SYT14: variants seen among roughly 807,000 people sequenced by gnomAD.
SYT14 encodes the protein synaptotagmin 14, also known as synaptotagmin-14.
In SYT14, 32 loss-of-function variants were observed where a neutral mutation model predicts 74.2. The ratio of observed to expected loss-of-function variants is 0.43; its 90% CI spans 0.33 to 0.58. The LOEUF (loss-of-function observed/expected upper bound fraction) is 0.58, where lower values mean the gene tolerates loss of function less well. SYT14 is among the 20% of genes least tolerant of loss of function. The pLI, the probability that SYT14 is intolerant of heterozygous loss-of-function variation, is 0.05. For missense variants in SYT14, 791 were observed against 981.8 expected (o/e 0.81, Z 2.60); for synonymous variants, 298 against 337.7 (o/e 0.88, Z 1.29).
intron 1 of SYT14, among the ~76,000 whole-genome samples, chr1:209,951,651 T>C (rs910594844): frequency 2.6e-5 from 4 of 152,114 alleles, no homozygotes; most frequent in African/African-American, 9.7e-5. Flanking sequence ...CAGAGACATA[T>C]GTTATATAAA....
chr1:210,119,977 AT>A (rs1259260387), intron 7 of SYT14, among the ~76,000 whole-genome samples: 1 of 152,178 alleles, frequency 6.6e-6, no homozygotes, highest in East Asian at 1.9e-4. Context: ...TAATTCTACC[AT>A]TTTTGGTAAC....
intron 5 of SYT14, among the ~76,000 whole-genome samples, chr1:210,089,757 C>T (rs2081823674): frequency 6.6e-6 from 1 of 152,116 alleles, no homozygotes; most frequent in South Asian, 2.1e-4. Flanking sequence ...TATGAGTCGT[C>T]CAGATTCTTG....
intron 7 of SYT14, among the ~76,000 whole-genome samples, chr1:210,115,691 G>T (rs2082346351): frequency 6.6e-6 from 1 of 151,272 alleles, no homozygotes; most frequent in Non-Finnish European, 1.5e-5. Context: ...GTAAAAAGAG[G>T]CCACTTACCC....
chr1:210,100,091 A>T, exon 7 of SYT14: 1 of 1,614,110 alleles, frequency 6.2e-7, no homozygotes, highest in Non-Finnish European at 8.5e-7. Flanking sequence ...GGCACACTGG[A>T]TGTGACTTTT....
intron 5 of SYT14, among the ~76,000 whole-genome samples, chr1:210,024,085 T>C (rs1247537623): frequency 6.6e-6 from 1 of 152,170 alleles, no homozygotes; most frequent in Non-Finnish European, 1.5e-5. Context: ...CGTCTATACA[T>C]ATACATCTGA....
chr1:209,955,557 T>C (rs968135225), intron 2 of SYT14, among the ~76,000 whole-genome samples: 3 of 152,240 alleles, frequency 2.0e-5, no homozygotes, highest in Non-Finnish European at 1.5e-5. Flanking sequence ...ATCACTGTCA[T>C]AGTTTTCTAA....
intron 2 of SYT14, among the ~76,000 whole-genome samples, chr1:210,000,468 A>ACG (rs1451842930): frequency 2.5e-5 from 2 of 79,408 alleles, no homozygotes; most frequent in Admixed American, 1.1e-4. Context: ...CCTCATACGC[A>ACG]CACACACACA....
intron 2 of SYT14, among the ~76,000 whole-genome samples, chr1:209,977,793 C>T (rs945349406): frequency 2.6e-5 from 4 of 152,182 alleles, no homozygotes; most frequent in South Asian, 2.1e-4. Context: ...TAATATCCTG[C>T]AGAGTGTTTT....
intron 1 of SYT14, among the ~76,000 whole-genome samples, chr1:209,947,127 A>G (rs1053497427): frequency 1.3e-5 from 2 of 152,230 alleles, no homozygotes; most frequent in Admixed American, 6.5e-5. Flanking sequence ...CTGCTCACCC[A>G]GGAGCTCTGA....
intron 5 of SYT14, among the ~76,000 whole-genome samples, chr1:210,078,250 C>T (rs1314412614): frequency 7.7e-6 from 1 of 130,212 alleles, no homozygotes; most frequent in African/African-American, 2.8e-5. Context: ...GCAGAGCTTG[C>T]AGTGAGCTGA....
chr1:209,940,939 G>T (rs887102538), intron 1 of SYT14, among the ~76,000 whole-genome samples: 1 of 152,104 alleles, frequency 6.6e-6, no homozygotes, highest in Non-Finnish European at 1.5e-5. Flanking sequence ...ATTAGAATAG[G>T]TTTTTTTGGA....
rs928519256 is a variant in SYT14, at chr1:210,000,725, T to C, written c.-485-12908T>C. ...TGCCCTCCGAGTCAAGTGATTCTCC[T>C]GCCTCAGCCTCCCTAGTAGCTGGGA... is the stretch of plus-strand genomic sequence containing the variant. On this transcript the variant is annotated intron_variant, in intron 2 of 9. Coordinates refer to ENST00000637265, the Ensembl canonical transcript of SYT14. Among the ~76,000 whole-genome samples, 3 of 150,162 alleles carry C rather than the reference T, an allele frequency of 2.0e-5. No homozygotes were observed. The Admixed American group carries it at 2.0e-4, about 10-fold the overall frequency.
At chr1:209,985,123 T>TC (rs1234071282) in intron 2 of SYT14, among the ~76,000 whole-genome samples, 3 of 152,062 alleles carry the variant, frequency 2.0e-5, no homozygotes, top group Admixed American at 6.6e-5. Context: ...TTTCCAATAG[T>TC]CCCCCAAAGT....
chr1:210,121,286 A>G (rs1344364775), intron 7 of SYT14, among the ~76,000 whole-genome samples: 2 of 152,208 alleles, frequency 1.3e-5, no homozygotes, highest in African/African-American at 4.8e-5. Flanking sequence ...TTAATGTTCT[A>G]ATTTTGTGGT....
chr1:209,950,200 CAAATT>C (rs1558087449), intron 1 of SYT14, among the ~76,000 whole-genome samples: 5 of 152,174 alleles, frequency 3.3e-5, no homozygotes, highest in Admixed American at 2.6e-4. Flanking sequence ...CTGTGTAACT[CAAATT>C]AAGTTACGTG....
chr1:210,166,040 G>T (rs11119425), exon 10 of SYT14: 111,915 of 152,038 alleles, frequency 0.74, 41,705 homozygotes, highest in East Asian at 0.87. Context: ...ATAATTTCAG[G>T]CTAGTATAAT....
chr1:210,118,107 A>C (rs2102601282), intron 7 of SYT14, among the ~76,000 whole-genome samples: 1 of 152,320 alleles, frequency 6.6e-6, no homozygotes, highest in East Asian at 1.9e-4. Context: ...AATGCTAATG[A>C]GAGAGATTAA....
chr1:210,069,024 T>C (rs1032640329), intron 5 of SYT14, among the ~76,000 whole-genome samples: 7 of 151,900 alleles, frequency 4.6e-5, no homozygotes, highest in Non-Finnish European at 8.8e-5. Flanking sequence ...GCTGTTATGA[T>C]TTTTTTCAGT....
chr1:210,161,942 C>T (rs1186752477), exon 10 of SYT14: 21 of 453,262 alleles, frequency 4.6e-5, no homozygotes, highest in Non-Finnish European at 8.4e-5. Flanking sequence ...ACTGAAAATA[C>T]AGTAGATAAG....
Sources: allele counts gnomAD v4.1 joint callset (sites outside exome capture counted in the v4.1 genomes callset), GRCh38; gene constraint gnomAD v4.1.1; transcripts MANE v1.5; gene names NCBI Gene and HGNC (gene_info 2026-07-23, HGNC 2026-07-21).